The following UBE2G1 variants were observed in gnomAD, a reference collection of about 807,000 sequenced individuals.
UBE2G1 encodes ubiquitin conjugating enzyme E2 G1, also known as ubiquitin-conjugating enzyme E2 G1.
A neutral mutation model predicts 22.7 loss-of-function variants in UBE2G1; 5 were observed. That is an observed-to-expected ratio of 0.22 (90% CI 0.12 to 0.46). The LOEUF is 0.46. Ranked by LOEUF, UBE2G1 falls within the 20% of genes least tolerant of loss-of-function variation. UBE2G1 has a pLI of 0.99. For synonymous variants in UBE2G1, 74 were observed against 67.5 expected (o/e 1.10, Z -0.47); for missense variants, 88 against 203.9 (o/e 0.43, Z 3.46).
At chr17:4,303,936 G>A (rs1267133726) in intron 2 of UBE2G1, among the ~76,000 whole-genome samples, 1 of 152,150 alleles carries the variant, frequency 6.6e-6, no homozygotes, top group East Asian at 1.9e-4. Context: ...GAAAGGAAAA[G>A]AGAGATAAAA....
intron 5 of UBE2G1, among the ~76,000 whole-genome samples, chr17:4,277,826 C>T (rs1224016000): frequency 6.6e-6 from 1 of 152,060 alleles, no homozygotes; most frequent in Admixed American, 6.5e-5. Flanking sequence ...GTGATAAAGC[C>T]GTGAGAAAAG....
intron 1 of UBE2G1, among the ~76,000 whole-genome samples, chr17:4,328,648 A>C (rs2143772700): frequency 1.3e-5 from 2 of 152,346 alleles, no homozygotes; most frequent in South Asian, 4.1e-4. Flanking sequence ...CCCATAAAAC[A>C]ACCCTGAAGT....
chr17:4,276,191 C>T (rs962132420), intron 5 of UBE2G1, among the ~76,000 whole-genome samples: 1 of 152,056 alleles, frequency 6.6e-6, no homozygotes, highest in Non-Finnish European at 1.5e-5. Flanking sequence ...CACTGAAGCC[C>T]CCCCGCCCTT....
At chr17:4,337,707 C>A (rs1969665885) in intron 1 of UBE2G1, among the ~76,000 whole-genome samples, 1 of 150,580 alleles carries the variant, frequency 6.6e-6, no homozygotes, top group Non-Finnish European at 1.5e-5. Flanking sequence ...ATCTTTGGTA[C>A]ACTAATAAAG....
At chr17:4,298,342 G>A (rs1969134719) in intron 2 of UBE2G1, among the ~76,000 whole-genome samples, 1 of 152,068 alleles carries the variant, frequency 6.6e-6, no homozygotes, top group Non-Finnish European at 1.5e-5. Flanking sequence ...AAGAACAAGT[G>A]AAAAATTGGG....
chr17:4,350,785 C>T (rs1354659399), intron 1 of UBE2G1, among the ~76,000 whole-genome samples: 1 of 152,046 alleles, frequency 6.6e-6, no homozygotes, highest in East Asian at 1.9e-4. Flanking sequence ...GTAATCCCAG[C>T]ACTTTGGGAG....
chr17:4,306,358 C>T (rs185184582), intron 2 of UBE2G1, among the ~76,000 whole-genome samples: 17 of 150,610 alleles, frequency 1.1e-4, no homozygotes, highest in African/African-American at 3.7e-4. Flanking sequence ...AGCTAATTTT[C>T]GTATTCTTAG....
chr17:4,358,694 G>A lies in UBE2G1; in HGVS notation c.46+7577C>T, dbSNP rs149572503. Among the ~76,000 whole-genome samples the A allele has an allele frequency of 7.4e-4, 112 of 152,308 alleles. No individual in the cohort carries two copies. In the East Asian group the frequency reaches 0.016, roughly 22 times the overall value. On this transcript the variant is annotated intron_variant, in intron 1 of 5. Transcript: ENST00000396981. ...TTGGCTGGGCGCGTGGCTCACGCCT[G>A]TAATCCCAGCACTTTGGGAGGCTGA...
intron 1 of UBE2G1, among the ~76,000 whole-genome samples, chr17:4,314,350 G>A (rs1448720127): frequency 2.0e-5 from 3 of 152,178 alleles, no homozygotes; most frequent in African/African-American, 7.2e-5. Flanking sequence ...TCAAATATGG[G>A]ACAATTTGAG....
chr17:4,363,354 T>A (rs759822706), intron 1 of UBE2G1, among the ~76,000 whole-genome samples: 2 of 152,190 alleles, frequency 1.3e-5, no homozygotes, highest in Non-Finnish European at 2.9e-5. Flanking sequence ...AACTTTACAA[T>A]GAGGCCTGAA....
chr17:4,332,164 T>C (rs1161891349), intron 1 of UBE2G1, among the ~76,000 whole-genome samples: 2 of 152,150 alleles, frequency 1.3e-5, no homozygotes, highest in Non-Finnish European at 2.9e-5. Context: ...GTTTTTATTC[T>C]TTTTTTATTT....
At chr17:4,357,136 G>C (rs1161626146) in intron 1 of UBE2G1, among the ~76,000 whole-genome samples, 2 of 151,896 alleles carry the variant, frequency 1.3e-5, no homozygotes, top group Non-Finnish European at 2.9e-5. Flanking sequence ...GAAAATAACA[G>C]AAAAAATAAA....
At chr17:4,275,291 T>C (rs992823742) in intron 5 of UBE2G1, among the ~76,000 whole-genome samples, 2 of 152,210 alleles carry the variant, frequency 1.3e-5, no homozygotes, top group African/African-American at 4.8e-5. Context: ...CATTCTTTTC[T>C]CCAGAAAGAT....
intron 4 of UBE2G1, among the ~76,000 whole-genome samples, chr17:4,284,788 C>T (rs1197312696): frequency 1.4e-5 from 2 of 144,344 alleles, no homozygotes; most frequent in Non-Finnish European, 3.0e-5. Context: ...TTGTTTTTTT[C>T]CCCCCGAGAC....
intron 1 of UBE2G1, among the ~76,000 whole-genome samples, chr17:4,312,711 A>C (rs112423785): frequency 0.023 from 3,428 of 151,384 alleles, 133 homozygotes; most frequent in African/African-American, 0.079. Context: ...AAAAAAAAAA[A>C]AAAACAAAAG....
chr17:4,292,150 A>G (rs1969049367), intron 3 of UBE2G1, among the ~76,000 whole-genome samples: 1 of 151,900 alleles, frequency 6.6e-6, no homozygotes. Context: ...CAACATGGTG[A>G]ACCCATCTCT....
chr17:4,285,988 C>G (rs914441725), intron 4 of UBE2G1, among the ~76,000 whole-genome samples: 1 of 151,086 alleles, frequency 6.6e-6, no homozygotes, highest in African/African-American at 2.4e-5. Context: ...AAGAAAGGGA[C>G]CCAGGAGAGA....
chr17:4,349,245 G>A (rs879719719), intron 1 of UBE2G1, among the ~76,000 whole-genome samples: 5 of 152,076 alleles, frequency 3.3e-5, no homozygotes, highest in Non-Finnish European at 7.4e-5. Context: ...GCTTGAACCC[G>A]GGAGGCAGAG....
At chr17:4,322,762 T>G (rs34499321) in intron 1 of UBE2G1, among the ~76,000 whole-genome samples, 51,893 of 152,016 alleles carry the variant, frequency 0.34, 9,026 homozygotes, top group Middle Eastern at 0.39. Context: ...GTATCACACA[T>G]AAGACTGTTT....
Sources: allele counts gnomAD v4.1 joint callset (sites outside exome capture counted in the v4.1 genomes callset), GRCh38; gene constraint gnomAD v4.1.1; transcripts MANE v1.5; gene names NCBI Gene and HGNC (gene_info 2026-07-23, HGNC 2026-07-21).